The following PYROXD2 variants were observed in gnomAD, a reference collection of about 807,000 sequenced individuals.
The protein encoded by PYROXD2 is pyridine nucleotide-disulphide oxidoreductase domain 2, also known as pyridine nucleotide-disulfide oxidoreductase domain-containing protein 2.
In PYROXD2, 69 loss-of-function variants were observed where a neutral mutation model predicts 71.1. The ratio of observed to expected loss-of-function variants is 0.97; its 90% confidence interval spans 0.80 to 1.19. The LOEUF is 1.19. Among genes scored for constraint, PYROXD2 ranks in the 50% most tolerant of loss-of-function variants. The pLI, the probability that PYROXD2 is intolerant of heterozygous loss-of-function variation, is 0.00. For missense variants in PYROXD2, 745 were observed against 748.9 expected, an observed-to-expected ratio of 0.99 and a Z score of 0.06; for synonymous variants, 287 against 302.7, an observed-to-expected ratio of 0.95 and a Z score of 0.54.
chr10:98,414,888 G>T (rs1843941407), intron 1 of PYROXD2, 121 bp downstream of exon 1: 2 of 1,409,810 alleles, frequency 1.4e-6, no homozygotes, highest in African/African-American at 2.9e-5. Context: ...TAAACTTCTG[G>T]CTGGGTTATG....
intron 4 of PYROXD2, among the ~76,000 whole-genome samples, chr10:98,403,568 T>TGCC (rs1843495328): frequency 1.3e-5 from 2 of 152,174 alleles, no homozygotes; most frequent in South Asian, 4.1e-4. Flanking sequence ...CACACTGACC[T>TGCC]GCCCTCTGCT....
intron 14 of PYROXD2, 79 bp downstream of exon 14, chr10:98,387,122 T>C: frequency 9.2e-7 from 1 of 1,081,276 alleles, no homozygotes; most frequent in Non-Finnish European, 1.4e-6. Flanking sequence ...AGGGACAAGA[T>C]AAAGCAGAGA....
chr10:98,407,560 C>G (rs144722706), intron 4 of PYROXD2, 22 bp downstream of exon 4: 1 of 1,612,432 alleles, frequency 6.2e-7, no homozygotes, highest in South Asian at 1.1e-5. Context: ...TCCGTGCAAT[C>G]GGGCCGGCGG....
rs778303539 is a variant in PYROXD2 at position 98,392,904 on chromosome 10, C to A, written c.927+38G>T. 3.1e-6 allele frequency: 5 copies of A among 1,603,996 alleles called. No homozygotes were observed. The South Asian group carries it at 5.5e-5, about 18-fold the overall frequency. ...TGAGACTTTGTTCTGTCCTGGGATC[C>A]TTACTAATAATTGGGGTGGGGTAGA... On this transcript the variant is annotated intron_variant, in intron 9 of 15. Transcript: ENST00000370575.
Position 98,415,177 on chromosome 10 carries a change from G to A in PYROXD2, c.-42C>T, listed in dbSNP as rs369767352. ...GCCTTGCTAGGCAGGGAGTTTGCTA[G>A]CGATTGGCTTTTGTGCTGCCCTAGG... On this transcript the variant is annotated 5_prime_UTR_variant, in exon 1 of 16. Coordinates refer to ENST00000370575, the MANE Select transcript of PYROXD2 (RefSeq NM_032709.3). 6.2e-6 allele frequency: 10 copies of A among 1,601,522 alleles called. No homozygotes were observed. Among genetic ancestry groups the A allele is most frequent in the African/African-American group, 2.7e-5 (2 of 74,848 alleles).
intron 5 of PYROXD2, among the ~76,000 whole-genome samples, chr10:98,397,991 T>C (rs1216818896): frequency 6.8e-6 from 1 of 147,664 alleles, no homozygotes; most frequent in Non-Finnish European, 1.5e-5. Flanking sequence ...CAAGTGATTC[T>C]CCTGCCTCAG....
chr10:98,394,843 T>C (rs749018705), intron 8 of PYROXD2, among the ~76,000 whole-genome samples: 22 of 151,810 alleles, frequency 1.4e-4, no homozygotes, highest in Non-Finnish European at 2.8e-4. Flanking sequence ...AAAGAAGATA[T>C]TAATTTTGAG....
chr10:98,389,440 G>C (rs1842872314), intron 12 of PYROXD2, among the ~76,000 whole-genome samples: 1 of 152,116 alleles, frequency 6.6e-6, no homozygotes, highest in Non-Finnish European at 1.5e-5. Context: ...ACAGTGTCCA[G>C]GTTGGTCTTT....
At chr10:98,388,908 C>T (rs1367090376) in intron 12 of PYROXD2, among the ~76,000 whole-genome samples, 11 of 152,140 alleles carry the variant, frequency 7.2e-5, no homozygotes, top group Non-Finnish European at 8.8e-5. Flanking sequence ...TTTTCCAGAG[C>T]AGACCAATGG....
chr10:98,399,065 C>T (rs1843298904), intron 5 of PYROXD2, among the ~76,000 whole-genome samples: 1 of 152,060 alleles, frequency 6.6e-6, no homozygotes, highest in African/African-American at 2.4e-5. Flanking sequence ...TGCTTGAACC[C>T]GGGAGGCAGA....
At chr10:98,392,591 C>T in intron 9 of PYROXD2, 25 bp from the exon 10 acceptor site, 1 of 1,606,754 alleles carries the variant, frequency 6.2e-7, no homozygotes, top group Non-Finnish European at 8.5e-7. Flanking sequence ...AACAAGGCCC[C>T]AGAAACCGCA....
chr10:98,402,694 G>A (rs1295721912), intron 4 of PYROXD2, among the ~76,000 whole-genome samples: 1 of 152,204 alleles, frequency 6.6e-6, no homozygotes, highest in Non-Finnish European at 1.5e-5. Flanking sequence ...GGTCTTGGCT[G>A]GAATGCCACC....
At chr10:98,388,648 TC>T in intron 12 of PYROXD2, 140 bp from the exon 13 acceptor site, 1 of 1,006,644 alleles carries the variant, frequency 9.9e-7, no homozygotes, top group Non-Finnish European at 1.4e-6. Context: ...ACAGTGGTTG[TC>T]CACCTGCACG....
At position 98,395,449 on chromosome 10, in the gene PYROXD2, C is replaced by T. The variant is rs113015930; in HGVS notation, c.629G>A (p.Arg210His). The change falls in exon 7 of 16, where the codon CGC becomes CAC. Residue 210 changes from arginine to histidine, a missense_variant. Arg to His is a conservative substitution (Grantham distance 29). Coordinates refer to ENST00000370575, the MANE Select transcript of PYROXD2 (RefSeq NM_032709.3). ...TCGGGGAAGCTGGGCTCCCAGGATG[C>T]GGCCTACAAGAGAAGATCCACAAAA... is the stretch of plus-strand genomic sequence containing the variant. Reference protein sequence around the residue: ...STLKPLLKAGRILGAQLPRYY... With the variant: ...STLKPLLKAGHILGAQLPRYY... 711 of 1,613,716 alleles carry T rather than the reference C, an allele frequency of 4.4e-4. 1 individual carries two copies. The African/African-American group carries it at 7.9e-3, about 18-fold the overall frequency.
At chr10:98,406,066 A>G (rs966126760) in intron 4 of PYROXD2, among the ~76,000 whole-genome samples, 1 of 152,170 alleles carries the variant, frequency 6.6e-6, no homozygotes, top group South Asian at 2.1e-4. Context: ...CAGGCTGTCA[A>G]TGTCCTGTTA....
intron 5 of PYROXD2, among the ~76,000 whole-genome samples, chr10:98,398,658 C>G (rs982703731): frequency 6.6e-5 from 10 of 152,202 alleles, no homozygotes; most frequent in African/African-American, 2.2e-4. Flanking sequence ...TGGGCACTTG[C>G]CTCCAGCGTG....
At chr10:98,386,318 G>A (rs1842749177) in intron 14 of PYROXD2, among the ~76,000 whole-genome samples, 1 of 119,752 alleles carries the variant, frequency 8.4e-6, no homozygotes, top group African/African-American at 4.4e-5. Context: ...AGGAAACAAG[G>A]AAGGGAGGGA....
In PYROXD2 at chr10:98,392,517, A is replaced by G; in HGVS notation, c.977T>C (p.Val326Ala). The change falls in exon 10 of 16, where the codon GTG (valine) becomes GCG (alanine). Residue 326 changes from valine to alanine, a missense_variant. Val to Ala is a moderately conservative substitution (Grantham distance 64). Coordinates refer to ENST00000370575, the MANE Select transcript of PYROXD2 (RefSeq NM_032709.3). Reference protein sequence around the residue: ...VNSEGCVQGVVLEDGTEVRSK... With the variant: ...VNSEGCVQGVALEDGTEVRSK... ...TCTCACCTCTGTGCCATCTTCCAGC[A>G]CAACTCCTTGAACACAGCCTTCACT... 1 of 1,613,638 alleles carries G rather than the reference A, an allele frequency of 6.2e-7. No homozygotes were observed. Among genetic ancestry groups the G allele is most frequent in the Non-Finnish European group, 8.5e-7 (1 of 1,180,024 alleles).
Position 98,407,938 on chromosome 10 carries a change from G to T in PYROXD2, c.207C>A (p.Ile69=). Residue 69 remains isoleucine (I), a synonymous_variant, in exon 3 of 16, where the codon ATC becomes ATA. Transcript: ENST00000370575. ...NTAVFERRHV[I]GGAAVTEEII... ...TCTCCTCAGTGACAGCTGCACCCCC[G>T]ATCACATGGCGCCTCTCGAAGACGG... The T allele has an allele frequency of 6.2e-7, 1 of 1,611,066 alleles. No individual in the cohort carries two copies. Among genetic ancestry groups the T allele is most frequent in the Non-Finnish European group, 8.5e-7 (1 of 1,178,990 alleles).
Sources: allele counts gnomAD v4.1 joint callset (sites outside exome capture counted in the v4.1 genomes callset), GRCh38; gene constraint gnomAD v4.1.1; transcripts MANE v1.5; gene names NCBI Gene and HGNC (gene_info 2026-07-23, HGNC 2026-07-21).